The following PRRC1 variants were observed in gnomAD, a reference collection of about 807,000 sequenced individuals.
The protein encoded by PRRC1 is protein PRRC1.
In PRRC1, 39 loss-of-function variants were observed where a neutral mutation model predicts 40.7. That is an observed-to-expected ratio of 0.96 (90% CI 0.74 to 1.25). The LOEUF is 1.25. Ranked by LOEUF, PRRC1 falls within the 50% of genes most tolerant of loss-of-function variation. The pLI is 0.00. For missense variants in PRRC1, 573 were observed against 548.3 expected, an observed-to-expected ratio of 1.05 and a Z score of -0.45; for synonymous variants, 175 against 193.3, an observed-to-expected ratio of 0.91 and a Z score of 0.79.
intron 5 of PRRC1, 90 bp downstream of exon 5, chr5:127,530,486 A>G (rs1767740022): frequency 8.4e-6 from 6 of 717,558 alleles, no homozygotes; most frequent in Non-Finnish European, 1.4e-5. Context: ...GTTCGTTTCC[A>G]CTGATTGTGT....
Position 127,552,087 on chromosome 5 carries a change from C to CAAA in PRRC1, c.*174_*176dup, listed in dbSNP as rs1768407272. The stretch of plus-strand genomic sequence containing the variant: ...AAAGGCATCATGTCATTCCAGGAGA[C>CAAA]AAAAAGAAACAAATCCTTTTTATAG... On this transcript the variant is annotated 3_prime_UTR_variant, in exon 9 of 9. Coordinates refer to ENST00000296666, the MANE Select transcript of PRRC1 (RefSeq NM_130809.5). 12 of 1,418,600 alleles carry CAAA rather than the reference C, an allele frequency of 8.5e-6. No homozygotes were observed. The highest frequency in any genetic ancestry group is 1.1e-5 in the Non-Finnish European group (12 of 1,089,384). 87.9% of individuals were successfully genotyped at this position (1,418,600 alleles called of 1,614,324 possible). A position where few individuals can be genotyped will look rare whatever the true frequency, so the allele number is the denominator to read the frequency against.
intron 5 of PRRC1, 127 bp from the exon 6 acceptor site, chr5:127,533,496 A>G (rs1767825262): frequency 3.6e-6 from 3 of 840,566 alleles, no homozygotes; most frequent in South Asian, 1.9e-5. Context: ...ATAATGATCT[A>G]TATCTTGCAT....
chr5:127,521,387 T>C (rs1304329368), intron 1 of PRRC1, among the ~76,000 whole-genome samples: 2 of 151,262 alleles, frequency 1.3e-5, no homozygotes, highest in Non-Finnish European at 3.0e-5. Flanking sequence ...ATACCCCTGC[T>C]CTCTTTAAAA....
At position 127,553,320 on chromosome 5, in the gene PRRC1, A is replaced by G; in HGVS notation, c.*1404A>G. ...TTACCTGAGGATAAGAAGAATGAAT[A>G]TTAAATTTGAATATTAAATATATGT... On this transcript the variant is annotated 3_prime_UTR_variant, in exon 9 of 9. Coordinates refer to ENST00000296666, the MANE Select transcript of PRRC1 (RefSeq NM_130809.5). The G allele has an allele frequency of 1.0e-6, 1 of 984,542 alleles. No individual in the cohort carries two copies. The highest frequency in any genetic ancestry group is 1.2e-6 in the Non-Finnish European group (1 of 828,960). 61.0% of individuals were successfully genotyped at this position (984,542 alleles called of 1,614,324 possible).
intron 6 of PRRC1, among the ~76,000 whole-genome samples, chr5:127,535,737 C>T (rs138002194): frequency 1.3e-3 from 199 of 152,250 alleles, no homozygotes; most frequent in African/African-American, 4.6e-3. Flanking sequence ...CCTTTACCTG[C>T]ATTCATTTGA....
intron 6 of PRRC1, among the ~76,000 whole-genome samples, chr5:127,535,279 G>C: frequency 6.6e-6 from 1 of 152,200 alleles, no homozygotes; most frequent in East Asian, 1.9e-4. Flanking sequence ...TAACACACTC[G>C]TTTTCTCATT....
chr5:127,530,233 A>C, intron 4 of PRRC1, 61 bp from the exon 5 acceptor site: 1 of 1,445,302 alleles, frequency 6.9e-7, no homozygotes, highest in Non-Finnish European at 9.6e-7. Flanking sequence ...CTTCACAATC[A>C]TGAAGATCAT....
chr5:127,527,014 G>C (rs1767635042), intron 4 of PRRC1, among the ~76,000 whole-genome samples: 1 of 152,048 alleles, frequency 6.6e-6, no homozygotes, highest in African/African-American at 2.4e-5. Flanking sequence ...ATGTTTTCTG[G>C]TCTTTACTGA....
At chr5:127,536,364 G>T (rs1038229156) in intron 6 of PRRC1, among the ~76,000 whole-genome samples, 1 of 151,884 alleles carries the variant, frequency 6.6e-6, no homozygotes. Context: ...TAAACTAGTT[G>T]TATATATATA....
intron 7 of PRRC1, among the ~76,000 whole-genome samples, chr5:127,546,769 C>A (rs1208952778): frequency 6.6e-6 from 1 of 151,994 alleles, no homozygotes; most frequent in East Asian, 1.9e-4. Flanking sequence ...CAAAATAAGG[C>A]AAAATAAAAT....
intron 5 of PRRC1, among the ~76,000 whole-genome samples, chr5:127,531,189 C>A (rs898745452): frequency 6.6e-6 from 1 of 152,126 alleles, no homozygotes; most frequent in Non-Finnish European, 1.5e-5. Context: ...ATGCTTCTGC[C>A]AGGCACTTTC....
chr5:127,518,300 T>A (rs768261607), intron 1 of PRRC1, among the ~76,000 whole-genome samples: 1 of 152,240 alleles, frequency 6.6e-6, no homozygotes, highest in East Asian at 1.9e-4. Flanking sequence ...GAAAGGAAGC[T>A]TATTTTCCCT....
intron 4 of PRRC1, among the ~76,000 whole-genome samples, chr5:127,529,139 T>C (rs138755803): frequency 2.1e-3 from 314 of 151,776 alleles, no homozygotes; most frequent in African/African-American, 7.3e-3. Context: ...TCTTTCCCAA[T>C]TTTTTTTGCA....
intron 1 of PRRC1, among the ~76,000 whole-genome samples, chr5:127,519,380 G>C (rs1259136944): frequency 6.6e-6 from 1 of 152,154 alleles, no homozygotes; most frequent in African/African-American, 2.4e-5. Flanking sequence ...AAAGTGTCAT[G>C]CGTGTTAGTC....
At position 127,553,998 on chromosome 5, in the gene PRRC1, T is replaced by A; in HGVS notation, c.*2082T>A. ...CTGGTTCTGTTCTTGGCCCAGAGTTTTTGAAAAGCAGCGGAGCATGACTGA... is the reference window on the plus strand; with the variant it reads ...CTGGTTCTGTTCTTGGCCCAGAGTTATTGAAAAGCAGCGGAGCATGACTGA... On this transcript the variant is annotated 3_prime_UTR_variant, in exon 9 of 9. Coordinates refer to ENST00000296666, the MANE Select transcript of PRRC1 (RefSeq NM_130809.5). 7.7e-7 allele frequency: 1 copy of A among 1,302,294 alleles called. No homozygotes were observed. 80.7% of individuals were successfully genotyped at this position (1,302,294 alleles called of 1,614,324 possible).
chr5:127,539,710 T>G (rs1483686582), intron 7 of PRRC1, among the ~76,000 whole-genome samples: 1 of 152,132 alleles, frequency 6.6e-6, no homozygotes, highest in Non-Finnish European at 1.5e-5. Flanking sequence ...ATTATGGTTT[T>G]GTTGTTTTTA....
At chr5:127,525,385 T>C (rs1767592504) in intron 3 of PRRC1, among the ~76,000 whole-genome samples, 1 of 152,244 alleles carries the variant, frequency 6.6e-6, no homozygotes, top group Admixed American at 6.5e-5. Context: ...AATATTCCAG[T>C]TTATGAATAT....
At chr5:127,522,391 A>G (rs1303448036) in intron 1 of PRRC1, among the ~76,000 whole-genome samples, 2 of 152,100 alleles carry the variant, frequency 1.3e-5, no homozygotes, top group Admixed American at 6.5e-5. Flanking sequence ...AGTGAAGCAC[A>G]TTTTATTTTA....
intron 8 of PRRC1, chr5:127,551,492 A>G: frequency 1.9e-6 from 1 of 535,736 alleles, no homozygotes. Context: ...AGCCTCGTTA[A>G]TGGGGATATT....
Sources: allele counts gnomAD v4.1 joint callset (sites outside exome capture counted in the v4.1 genomes callset), GRCh38; gene constraint gnomAD v4.1.1; transcripts MANE v1.5; gene names NCBI Gene and HGNC (gene_info 2026-07-23, HGNC 2026-07-21).